Variants in ST3GAL6 observed in about 807,000 individuals in gnomAD.
ST3GAL6 encodes the protein type 2 lactosamine alpha-2,3-sialyltransferase.
A neutral mutation model predicts 40.5 loss-of-function variants in ST3GAL6; 31 were observed. The observed-to-expected ratio is 0.77, with a 90% CI of 0.58 to 1.03. ST3GAL6 has a LOEUF of 1.03. Ranked by LOEUF, ST3GAL6 falls within the 50% of genes least tolerant of loss-of-function variation. ST3GAL6 has a pLI of 0.00. For missense variants in ST3GAL6, 357 were observed against 393.2 expected (o/e 0.91, Z 0.78); for synonymous variants, 129 against 136.9 (o/e 0.94, Z 0.40).
intron 5 of ST3GAL6, among the ~76,000 whole-genome samples, chr3:98,778,086 C>T (rs1939722404): frequency 6.6e-6 from 1 of 152,208 alleles, no homozygotes; most frequent in Admixed American, 6.5e-5. Flanking sequence ...CATCCCCAAC[C>T]ACCAACATTC....
intron 1 of ST3GAL6, among the ~76,000 whole-genome samples, chr3:98,736,683 T>C (rs1465604518): frequency 6.6e-6 from 1 of 152,188 alleles, no homozygotes. Flanking sequence ...ATGTCCACCA[T>C]GTAACAAGAG....
rs550239675 is a variant in ST3GAL6, at chr3:98,757,307, G to A, written c.-11-11123G>A. ...GCTGGCCAATATGGACACTCATAAT[G>A]GTCTTGTGATTTAGTCCTAGGGAAC... On this transcript the variant is annotated intron_variant, in intron 1 of 9. Transcript: ENST00000265261. Among the ~76,000 whole-genome samples, 117 of 152,242 alleles carry A rather than the reference G, an allele frequency of 7.7e-4. 1 individual carries two copies. Among genetic ancestry groups the A allele is most frequent in the African/African-American group, 2.7e-3 (113 of 41,556 alleles).
chr3:98,778,844 G>A (rs946563024), intron 5 of ST3GAL6, among the ~76,000 whole-genome samples: 1 of 152,226 alleles, frequency 6.6e-6, no homozygotes, highest in African/African-American at 2.4e-5. Context: ...TTCACTAGGA[G>A]TGATTTAAAC....
At chr3:98,749,546 T>C (rs1936827177) in intron 1 of ST3GAL6, among the ~76,000 whole-genome samples, 1 of 152,236 alleles carries the variant, frequency 6.6e-6, no homozygotes, top group Non-Finnish European at 1.5e-5. Context: ...GGAGAGGATA[T>C]TTCCTAAGGG....
At position 98,788,379 on chromosome 3, in the gene ST3GAL6, T is replaced by C; in HGVS notation, c.672T>C (p.Tyr224=). 6.2e-7 allele frequency: 1 copy of C among 1,613,112 alleles called. No individual in the cohort carries two copies. Among genetic ancestry groups the C allele is most frequent in the Non-Finnish European group, 8.5e-7 (1 of 1,179,728 alleles). Residue 224 remains tyrosine (Y), a synonymous_variant, in exon 8 of 10, where the codon TAT becomes TAC. Coordinates refer to ENST00000483910, the MANE Select transcript of ST3GAL6 (RefSeq NM_001323368.2). Reference sequence around the variant, plus strand: ...CCTTAAACCTGATTTATAAACCTTATCAAATCCGAATATTAGATCCTTTCA... The same window carrying C: ...CCTTAAACCTGATTTATAAACCTTACCAAATCCGAATATTAGATCCTTTCA... ...KPALNLIYKP[Y]QIRILDPFII...
intron 1 of ST3GAL6, among the ~76,000 whole-genome samples, chr3:98,743,717 A>G (rs1363948268): frequency 2.6e-5 from 4 of 152,164 alleles, no homozygotes; most frequent in African/African-American, 9.7e-5. Flanking sequence ...CCACCCAGTC[A>G]CTATTACTAC....
At chr3:98,774,360 G>A (rs1026260154) in intron 5 of ST3GAL6, among the ~76,000 whole-genome samples, 8 of 152,134 alleles carry the variant, frequency 5.3e-5, no homozygotes, top group African/African-American at 1.9e-4. Context: ...AACTACTGAT[G>A]AGATTCTTTC....
At chr3:98,789,980 A>G (rs957149099) in intron 8 of ST3GAL6, among the ~76,000 whole-genome samples, 4 of 152,190 alleles carry the variant, frequency 2.6e-5, no homozygotes, top group African/African-American at 9.6e-5. Flanking sequence ...GAATGTAAAT[A>G]ATAAACCCTG....
At chr3:98,736,135 C>A (rs530782007) in intron 1 of ST3GAL6, among the ~76,000 whole-genome samples, 2 of 152,162 alleles carry the variant, frequency 1.3e-5, no homozygotes, top group Admixed American at 6.5e-5. Context: ...CTGCCACAAA[C>A]TTTTGTATCT....
intron 1 of ST3GAL6, among the ~76,000 whole-genome samples, chr3:98,752,297 A>G (rs1261070603): frequency 6.6e-6 from 1 of 152,128 alleles, no homozygotes; most frequent in Non-Finnish European, 1.5e-5. Flanking sequence ...CCTTTGTCCA[A>G]TAAGCCTATT....
intron 1 of ST3GAL6, among the ~76,000 whole-genome samples, chr3:98,752,850 C>A (rs1031555590): frequency 6.6e-6 from 1 of 152,226 alleles, no homozygotes; most frequent in African/African-American, 2.4e-5. Flanking sequence ...TCAGCGTAAT[C>A]TATAAATGTT....
intron 3 of ST3GAL6, 39 bp downstream of exon 3, chr3:98,770,995 T>C (rs751324005): frequency 1.3e-6 from 2 of 1,599,310 alleles, no homozygotes; most frequent in Non-Finnish European, 1.7e-6. Context: ...ATACAAAATA[T>C]TCTAAATGTG....
At position 98,752,833 on chromosome 3, in the gene ST3GAL6, A is replaced by G. The variant is rs1937123693; in HGVS notation, c.-11-15597A>G. 2.6e-5 allele frequency among the ~76,000 whole-genome samples: 4 copies of G among 152,180 alleles called. No homozygotes were observed. In the East Asian group the frequency reaches 5.8e-4, roughly 22 times the overall value. On this transcript the variant is annotated intron_variant, in intron 1 of 9. Coordinates refer to the ST3GAL6 transcript ENST00000265261. Reference sequence around the variant, plus strand: ...GGGACACCACAAACTACACCACTATAAGACAGTCAGCGTAATCTATAAATG... The same window carrying G: ...GGGACACCACAAACTACACCACTATGAGACAGTCAGCGTAATCTATAAATG...
chr3:98,772,839 G>A lies in ST3GAL6; in HGVS notation c.194G>A (p.Cys65Tyr), dbSNP rs1001667884. 3.2e-5 allele frequency: 52 copies of A among 1,613,084 alleles called. No individual in the cohort carries two copies. Among genetic ancestry groups the A allele is most frequent in the Non-Finnish European group, 3.7e-5 (44 of 1,179,442 alleles). Residue 65 changes from cysteine to tyrosine, a missense_variant, in exon 4 of 10, where the codon TGT becomes TAT. Coordinates refer to ENST00000483910, the MANE Select transcript of ST3GAL6 (RefSeq NM_001323368.2). The stretch of plus-strand genomic sequence containing the variant: ...TTTCATCAGTTTCACCCTTTTCTGT[G>A]TGCGGCTGATTTTAGAAAGATTGCT... ...LRFHQFHPFL[C>Y]AADFRKIASL...
intron 1 of ST3GAL6, among the ~76,000 whole-genome samples, chr3:98,733,187 G>T (rs1319951660): frequency 2.0e-5 from 3 of 152,202 alleles, no homozygotes; most frequent in African/African-American, 4.8e-5. Context: ...GGTGGCGTGC[G>T]GAGGCGTAAA....
chr3:98,786,115 T>G (rs528487103), intron 6 of ST3GAL6, among the ~76,000 whole-genome samples: 1 of 152,234 alleles, frequency 6.6e-6, no homozygotes, highest in South Asian at 2.1e-4. Flanking sequence ...TTGTTAGATT[T>G]GCAGTGGGTT....
At chr3:98,767,882 G>C (rs1938529793) in intron 1 of ST3GAL6, among the ~76,000 whole-genome samples, 1 of 152,128 alleles carries the variant, frequency 6.6e-6, no homozygotes, top group African/African-American at 2.4e-5. Context: ...GGATCTAAAA[G>C]TATATAAAAA....
chr3:98,779,768 A>G (rs1939902314), intron 5 of ST3GAL6, among the ~76,000 whole-genome samples: 1 of 152,242 alleles, frequency 6.6e-6, no homozygotes, highest in African/African-American at 2.4e-5. Flanking sequence ...AGTTTAGAGC[A>G]TACGCATTTT....
chr3:98,790,610 A>G (rs1204164797), intron 8 of ST3GAL6, among the ~76,000 whole-genome samples: 1 of 152,152 alleles, frequency 6.6e-6, no homozygotes, highest in Non-Finnish European at 1.5e-5. Context: ...TGGGTCATAA[A>G]TTCAACATTC....
Sources: gnomAD v4.1 joint callset for allele counts (sites outside exome capture counted in the v4.1 genomes callset) on GRCh38, gnomAD v4.1.1 for gene constraint, MANE v1.5 for transcripts, NCBI Gene and HGNC (gene_info 2026-07-23, HGNC 2026-07-21) for gene names.